The following CNTN5 variants were observed in gnomAD, a reference collection of about 807,000 sequenced individuals.
CNTN5 encodes the protein contactin 5.
CNTN5 carries 77 observed loss-of-function variants against 129.1 expected under a neutral mutation model. The ratio of observed to expected loss-of-function variants is 0.60; its 90% CI spans 0.50 to 0.72. CNTN5 has a LOEUF of 0.72. CNTN5 is among the 30% of genes least tolerant of loss of function. The pLI is 0.00. For synonymous variants in CNTN5, 509 were observed against 465.6 expected (o/e 1.09, Z -1.20); for missense variants, 1,478 against 1,328.8 (o/e 1.11, Z -1.75).
chr11:99,222,741 G>A (rs1402819298), intron 1 of CNTN5, among the ~76,000 whole-genome samples: 3 of 152,010 alleles, frequency 2.0e-5, no homozygotes, highest in African/African-American at 7.2e-5. Flanking sequence ...AGGATATAAA[G>A]TTTCTGTGGA....
At chr11:99,154,433 G>A (rs931003365) in intron 1 of CNTN5, among the ~76,000 whole-genome samples, 149 of 152,316 alleles carry the variant, frequency 9.8e-4, no homozygotes, top group African/African-American at 3.5e-3. Flanking sequence ...TTTGCCAGCA[G>A]TGGCAGCCTG....
chr11:100,072,717 G>A (rs1223450463), intron 12 of CNTN5, among the ~76,000 whole-genome samples: 1 of 152,024 alleles, frequency 6.6e-6, no homozygotes, highest in African/African-American at 2.4e-5. Context: ...ACATCCTAAA[G>A]TGATTTGTTG....
At chr11:99,708,697 A>T (rs935853408) in intron 3 of CNTN5, among the ~76,000 whole-genome samples, 1 of 151,632 alleles carries the variant, frequency 6.6e-6, no homozygotes, top group Non-Finnish European at 1.5e-5. Context: ...GGGTGAATGC[A>T]TCTACTACTT....
intron 1 of CNTN5, among the ~76,000 whole-genome samples, chr11:99,112,479 T>A (rs1170096754): frequency 3.3e-5 from 5 of 152,058 alleles, no homozygotes; most frequent in Non-Finnish European, 7.4e-5. Context: ...ATAATTTTAA[T>A]ACGAGTTTTC....
Position 99,956,882 on chromosome 11 carries a change from G to A in CNTN5, c.750G>A (p.Glu250=). 3 of 1,613,884 alleles carry A rather than the reference G, an allele frequency of 1.9e-6. No homozygotes were observed. The highest frequency in any genetic ancestry group is 2.2e-5 in the South Asian group (2 of 91,072). ...AEDSRRFISQ[E]TGNLYISKVQ... ...ACAGCCGGCGGTTCATCTCCCAGGA[G>A]ACAGGCAACCTTTATATTTCTAAAG... Residue 250 remains glutamate, a synonymous_variant, in exon 8 of 25, where the codon GAG becomes GAA. Transcript: ENST00000524871.
At chr11:99,613,284 T>C (rs1428874557) in intron 3 of CNTN5, among the ~76,000 whole-genome samples, 1 of 152,188 alleles carries the variant, frequency 6.6e-6, no homozygotes, top group African/African-American at 2.4e-5. Flanking sequence ...GAGTTAGCTC[T>C]CATGAGATCT....
intron 18 of CNTN5, among the ~76,000 whole-genome samples, chr11:100,296,728 G>T (rs1468571849): frequency 2.0e-5 from 3 of 151,406 alleles, no homozygotes; most frequent in Non-Finnish European, 4.4e-5. Context: ...AGTTTTTCTG[G>T]TGTATAAAAG....
At chr11:99,270,640 A>G (rs536543551) in intron 1 of CNTN5, among the ~76,000 whole-genome samples, 2 of 152,082 alleles carry the variant, frequency 1.3e-5, no homozygotes, top group Admixed American at 1.3e-4. Context: ...ATGTTTTTCT[A>G]TTAATAAAAT....
rs557746985 is a variant in CNTN5, at chr11:99,136,683, A to C, written c.-210+115413A>C. ...CTCCTGAAGCTGCAGCTTATCAGCT[A>C]TCAAATAAGAGATAGGAAGAGGAAA... On this transcript the variant is annotated intron_variant, in intron 1 of 24. Coordinates refer to ENST00000524871, the MANE Select transcript of CNTN5 (RefSeq NM_014361.4). Among the ~76,000 whole-genome samples the C allele has an allele frequency of 7.9e-5, 12 of 152,258 alleles. No homozygotes were observed. In the East Asian group the frequency reaches 2.3e-3, roughly 29 times the overall value.
At chr11:100,095,166 G>T (rs1460662519) in intron 13 of CNTN5, among the ~76,000 whole-genome samples, 2 of 151,970 alleles carry the variant, frequency 1.3e-5, no homozygotes, top group Non-Finnish European at 2.9e-5. Context: ...CAACTTAGAG[G>T]ATGGATATAT....
At chr11:99,108,396 C>A (rs903703319) in intron 1 of CNTN5, among the ~76,000 whole-genome samples, 3 of 152,040 alleles carry the variant, frequency 2.0e-5, no homozygotes, top group Admixed American at 6.6e-5. Context: ...GGAACGTTGA[C>A]AATAGGTGTG....
At chr11:99,916,378 C>G (rs1288521414) in intron 7 of CNTN5, among the ~76,000 whole-genome samples, 2 of 152,052 alleles carry the variant, frequency 1.3e-5, no homozygotes, top group African/African-American at 4.8e-5. Context: ...TGTTAACTGT[C>G]ACTGTTATGC....
intron 1 of CNTN5, among the ~76,000 whole-genome samples, chr11:99,229,603 A>G (rs929666940): frequency 1.3e-5 from 2 of 151,826 alleles, no homozygotes; most frequent in Admixed American, 1.3e-4. Flanking sequence ...ATTTCCAGGA[A>G]AGAAGCCGTA....
intron 3 of CNTN5, among the ~76,000 whole-genome samples, chr11:99,617,761 A>T (rs1041127626): frequency 6.6e-6 from 1 of 152,194 alleles, no homozygotes; most frequent in Non-Finnish European, 1.5e-5. Context: ...ATAAATGTAT[A>T]AAATGAAACC....
rs1404257858 is a variant in CNTN5, at chr11:99,784,793, G to GTTTT, written c.56-34750_56-34749insTTTT. 7.0e-5 allele frequency among the ~76,000 whole-genome samples: 6 copies of GTTTT among 85,760 alleles called. 2 individuals are homozygous for GTTTT. The highest frequency in any genetic ancestry group is 5.0e-4 in the Admixed American group (4 of 7,984). The allele number at this position is 85,760 out of a possible 152,430, so 56.3% of individuals were successfully genotyped here. On this transcript the variant is annotated intron_variant, in intron 3 of 24. Transcript: ENST00000524871. The stretch of plus-strand genomic sequence containing the variant: ...AACTGGTGTGAGATGGTATCTCATT[G>GTTTT]TGTTTTTTTTTTTTTTTTTTTTTTG...
At chr11:100,033,371 C>T (rs866158095) in intron 9 of CNTN5, among the ~76,000 whole-genome samples, 8 of 152,140 alleles carry the variant, frequency 5.3e-5, no homozygotes, top group African/African-American at 1.7e-4. Context: ...AATTACATTG[C>T]GTCTGAACTA....
Position 99,750,017 on chromosome 11 carries a change from A to G in CNTN5, c.56-69527A>G, listed in dbSNP as rs181295356. ...ACCATTCATGTATAAGTTAAAACCA[A>G]AAGTGAACTACAGCATAGCCACTTA... On this transcript the variant is annotated intron_variant, in intron 3 of 24. Transcript: ENST00000524871. 2.6e-3 allele frequency among the ~76,000 whole-genome samples: 401 copies of G among 152,340 alleles called. 1 individual carries two copies. Among genetic ancestry groups the G allele is most frequent in the Non-Finnish European group, 4.7e-3 (320 of 68,034 alleles).
chr11:99,819,552 A>T lies in CNTN5; in HGVS notation c.64A>T (p.Lys22Ter). ...TATTTTTTCTCTTACAGAGTATTCAAAATCTCTTCCTGGTCTCTCCACTTC... is the reference window on the plus strand; with the variant it reads ...TATTTTTTCTCTTACAGAGTATTCATAATCTCTTCCTGGTCTCTCCACTTC... ...SVTMCLSEYS[K>*]SLPGLSTSYA... is the part of the protein sequence containing the mutation. The change falls in exon 4 of 25, where the codon AAA becomes TAA. Residue 22 changes from lysine to a stop codon, truncating the protein, a stop_gained. Transcript: ENST00000524871. LOFTEE classifies it high-confidence loss of function. 1 of 1,610,574 alleles carries T rather than the reference A, an allele frequency of 6.2e-7. No homozygotes were observed. Among genetic ancestry groups the T allele is most frequent in the South Asian group, 1.1e-5 (1 of 90,994 alleles).
At chr11:100,001,471 C>G (rs189010308) in intron 8 of CNTN5, among the ~76,000 whole-genome samples, 1 of 152,278 alleles carries the variant, frequency 6.6e-6, no homozygotes, top group Admixed American at 6.5e-5. Context: ...TCATTCATGG[C>G]AATGATCACT....
Sources: allele counts gnomAD v4.1 joint callset (sites outside exome capture counted in the v4.1 genomes callset), GRCh38; gene constraint gnomAD v4.1.1; transcripts MANE v1.5; gene names NCBI Gene and HGNC (gene_info 2026-07-23, HGNC 2026-07-21).